SLC10A7: variants seen among roughly 807,000 people sequenced by gnomAD.
The protein encoded by SLC10A7 is sodium/bile acid cotransporter 7.
In SLC10A7, 29 loss-of-function variants were observed where a neutral mutation model predicts 43.2. The observed-to-expected ratio is 0.67, with a 90% CI of 0.50 to 0.92. The LOEUF (loss-of-function observed/expected upper bound fraction) is 0.92. Among genes scored for constraint, SLC10A7 ranks in the 40% least tolerant of loss-of-function variants. The pLI is 0.00. For synonymous variants in SLC10A7, 152 were observed against 144.8 expected, an observed-to-expected ratio of 1.05 and a Z score of -0.35; for missense variants, 295 against 403.2, an observed-to-expected ratio of 0.73 and a Z score of 2.30.
At chr4:146,427,374 C>G (rs1729451441) in intron 5 of SLC10A7, among the ~76,000 whole-genome samples, 1 of 152,128 alleles carries the variant, frequency 6.6e-6, no homozygotes. Context: ...TCTAGTGTTA[C>G]AAGCTTAAAA....
At chr4:146,372,453 CAAAAAAAAA>C (rs3042366) in intron 5 of SLC10A7, among the ~76,000 whole-genome samples, 1 of 117,014 alleles carries the variant, frequency 8.5e-6, no homozygotes, top group Non-Finnish European at 1.8e-5. Flanking sequence ...AACCCTGTTT[CAAAAAAAAA>C]AAAAAAAAAA....
chr4:146,363,478 T>C (rs76582383), intron 5 of SLC10A7, among the ~76,000 whole-genome samples: 3,326 of 151,960 alleles, frequency 0.022, 114 homozygotes, highest in African/African-American at 0.076. Context: ...AACAAAGAAA[T>C]ATCAATCTGC....
rs1481380753 is a variant in SLC10A7 at position 146,521,899 on chromosome 4, T to C, written c.-182A>G. 1.7e-6 allele frequency: 1 copy of C among 579,258 alleles called. No homozygotes were observed. The highest frequency in any genetic ancestry group is 2.9e-5 in the East Asian group (1 of 33,958). The allele number at this position is 579,258 out of a possible 1,614,324, so 35.9% of individuals were successfully genotyped here. ...GTTGCTCCGGCGGCTTTGAGGAGGG[T>C]TGGGAGTAGTAGTAGCCAGTGACAG... On this transcript the variant is annotated 5_prime_UTR_variant, in exon 1 of 12. Coordinates refer to ENST00000335472, the MANE Select transcript of SLC10A7 (RefSeq NM_001029998.6).
At chr4:146,327,715 G>T (rs1046626536) in intron 5 of SLC10A7, among the ~76,000 whole-genome samples, 1 of 152,226 alleles carries the variant, frequency 6.6e-6, no homozygotes, top group African/African-American at 2.4e-5. Flanking sequence ...CTATAAACAA[G>T]GTTCAATATA....
Position 146,521,755 on chromosome 4 carries a change from C to A in SLC10A7, c.-38G>T. On this transcript the variant is annotated 5_prime_UTR_variant, in exon 1 of 12. Transcript: ENST00000335472. ...GGGTGGGTTTTGTTTATTTGTTTGG[C>A]TTTTTTTCTTTTCAAGCTCCGATCA... 1.3e-6 allele frequency: 2 copies of A among 1,550,594 alleles called. No homozygotes were observed. The highest frequency in any genetic ancestry group is 1.8e-6 in the Non-Finnish European group (2 of 1,123,132).
chr4:146,409,614 A>G (rs961871872), intron 5 of SLC10A7, among the ~76,000 whole-genome samples: 3 of 152,204 alleles, frequency 2.0e-5, no homozygotes, highest in Admixed American at 1.3e-4. Context: ...ATTTTACTCT[A>G]TGTAAATTAT....
intron 10 of SLC10A7, among the ~76,000 whole-genome samples, chr4:146,267,586 C>T (rs979588954): frequency 1.3e-5 from 2 of 152,170 alleles, no homozygotes; most frequent in African/African-American, 4.8e-5. Context: ...GTTTTACTTG[C>T]TTCCCTGTTT....
At chr4:146,405,478 A>C (rs1727603536) in intron 5 of SLC10A7, among the ~76,000 whole-genome samples, 1 of 152,216 alleles carries the variant, frequency 6.6e-6, no homozygotes, top group South Asian at 2.1e-4. Flanking sequence ...TGAGGTTTGA[A>C]ATACAGTTAG....
chr4:146,357,773 T>G (rs190557142), intron 5 of SLC10A7, among the ~76,000 whole-genome samples: 6 of 152,002 alleles, frequency 3.9e-5, no homozygotes, highest in Admixed American at 2.6e-4. Context: ...AAGGAAAGAG[T>G]ACCCGGAAGT....
chr4:146,437,990 A>G (rs898455314), intron 5 of SLC10A7, among the ~76,000 whole-genome samples: 1 of 152,060 alleles, frequency 6.6e-6, no homozygotes, highest in African/African-American at 2.4e-5. Context: ...CAAAAACAAT[A>G]AAACAGGCAC....
chr4:146,317,063 T>G (rs568839120), intron 6 of SLC10A7, among the ~76,000 whole-genome samples: 2 of 152,188 alleles, frequency 1.3e-5, no homozygotes, highest in East Asian at 3.9e-4. Flanking sequence ...TAAACCAGAA[T>G]TTTATACCTT....
chr4:146,292,166 A>G (rs1730484970), intron 9 of SLC10A7, among the ~76,000 whole-genome samples: 1 of 152,214 alleles, frequency 6.6e-6, no homozygotes, highest in African/African-American at 2.4e-5. Context: ...AATAGACTAG[A>G]GTACCTTGTC....
chr4:146,395,904 T>A (rs2149810238), intron 5 of SLC10A7, among the ~76,000 whole-genome samples: 1 of 152,316 alleles, frequency 6.6e-6, no homozygotes, highest in East Asian at 1.9e-4. Context: ...TTAGCATACA[T>A]GAAAATCAAT....
intron 5 of SLC10A7, among the ~76,000 whole-genome samples, chr4:146,427,141 G>T (rs1729429113): frequency 6.6e-6 from 1 of 151,668 alleles, no homozygotes; most frequent in South Asian, 2.1e-4. Flanking sequence ...ACCAGCTTGG[G>T]TAACACAGCA....
chr4:146,511,969 CTTTTTTTTT>C, intron 2 of SLC10A7, among the ~76,000 whole-genome samples: 2 of 98,846 alleles, frequency 2.0e-5, no homozygotes, highest in African/African-American at 7.9e-5. Flanking sequence ...TGCATATACT[CTTTTTTTTT>C]TTTTTTTTTT....
intron 3 of SLC10A7, among the ~76,000 whole-genome samples, chr4:146,506,869 G>A (rs985446553): frequency 1.4e-4 from 21 of 151,836 alleles, no homozygotes; most frequent in African/African-American, 4.1e-4. Flanking sequence ...TACAATTCCC[G>A]AATTTGTAGC....
intron 5 of SLC10A7, among the ~76,000 whole-genome samples, chr4:146,389,263 A>G (rs916835212): frequency 2.6e-5 from 4 of 151,934 alleles, no homozygotes; most frequent in Non-Finnish European, 4.4e-5. Context: ...CCTCACCACT[A>G]TGCAATATAT....
intron 10 of SLC10A7, among the ~76,000 whole-genome samples, 190 bp downstream of exon 10, chr4:146,283,002 C>A (rs1398327848): frequency 6.6e-6 from 1 of 152,042 alleles, no homozygotes; most frequent in South Asian, 2.1e-4. Context: ...AATTTTGGCC[C>A]ACAGAGATTT....
intron 9 of SLC10A7, among the ~76,000 whole-genome samples, chr4:146,290,346 A>AT (rs1730358575): frequency 6.6e-6 from 1 of 150,850 alleles, no homozygotes; most frequent in Non-Finnish European, 1.5e-5. Context: ...AAAAAAAAAA[A>AT]AGGTACAGAT....
Sources: gnomAD v4.1 joint callset for allele counts (sites outside exome capture counted in the v4.1 genomes callset) on GRCh38, gnomAD v4.1.1 for gene constraint, MANE v1.5 for transcripts, NCBI Gene and HGNC (gene_info 2026-07-23, HGNC 2026-07-21) for gene names.